MEGF9: variants seen among roughly 807,000 people sequenced by gnomAD.
MEGF9 encodes the protein multiple EGF like domains 9, also known as multiple epidermal growth factor-like domains protein 9.
Under a neutral mutation model 46.8 loss-of-function variants are expected in MEGF9, and 6 were observed. That is an observed-to-expected ratio of 0.13 (90% CI 0.07 to 0.25). The LOEUF is 0.25. MEGF9 is among the 10% of genes least tolerant of loss of function. The pLI is 1.00. For missense variants in MEGF9, 683 were observed against 792.4 expected (o/e 0.86, Z 1.66); for synonymous variants, 302 against 330.7 (o/e 0.91, Z 0.94).
intron 1 of MEGF9, among the ~76,000 whole-genome samples, chr9:120,705,099 T>C (rs889204243): frequency 3.9e-5 from 6 of 152,052 alleles, no homozygotes; most frequent in African/African-American, 1.4e-4. Context: ...AAGACCCCAG[T>C]GGAAAAAGAA....
At chr9:120,699,708 G>GT (rs373989358) in intron 1 of MEGF9, among the ~76,000 whole-genome samples, 37 of 142,448 alleles carry the variant, frequency 2.6e-4, no homozygotes, top group African/African-American at 8.8e-4. Context: ...GGGTGAAAGA[G>GT]TGAGACCGTG....
chr9:120,606,219 T>C (rs1365916510), intron 5 of MEGF9, among the ~76,000 whole-genome samples: 2 of 152,084 alleles, frequency 1.3e-5, no homozygotes, highest in Admixed American at 6.6e-5. Context: ...TGTTGGAGTT[T>C]TCCATTCTTA....
intron 1 of MEGF9, among the ~76,000 whole-genome samples, chr9:120,687,911 G>C (rs2132336511): frequency 6.6e-6 from 1 of 151,840 alleles, no homozygotes; most frequent in South Asian, 2.1e-4. Context: ...GGTATACAGG[G>C]GATGTTCACT....
intron 3 of MEGF9, among the ~76,000 whole-genome samples, chr9:120,621,918 CCTT>C (rs1383621337): frequency 1.4e-5 from 2 of 145,712 alleles, no homozygotes; most frequent in Non-Finnish European, 2.9e-5. Flanking sequence ...GCCTGTGTCT[CCTT>C]AGCCCTAAAA....
chr9:120,609,334 C>T (rs2043434284), intron 4 of MEGF9, among the ~76,000 whole-genome samples: 1 of 152,166 alleles, frequency 6.6e-6, no homozygotes, highest in African/African-American at 2.4e-5. Context: ...CAAATTCAAT[C>T]TGTAGGAATT....
At chr9:120,711,158 T>C (rs959740940) in intron 1 of MEGF9, among the ~76,000 whole-genome samples, 1 of 152,198 alleles carries the variant, frequency 6.6e-6, no homozygotes, top group Admixed American at 6.5e-5. Context: ...ATATAGTAAA[T>C]AGATGATGGA....
chr9:120,641,934 T>C lies in MEGF9; in HGVS notation c.803+17440A>G, dbSNP rs534953300. ...TGTCCTCAGTCCCCTATATTCCTAA[T>C]GATTAATTACAACTATTGTCCCTAG... On this transcript the variant is annotated intron_variant, in intron 2 of 5. Coordinates refer to ENST00000373930, the MANE Select transcript of MEGF9 (RefSeq NM_001080497.3). Among the ~76,000 whole-genome samples, 18 of 152,296 alleles carry C rather than the reference T, an allele frequency of 1.2e-4. No individual in the cohort carries two copies. In the East Asian group the frequency reaches 2.9e-3, roughly 24 times the overall value.
intron 1 of MEGF9, among the ~76,000 whole-genome samples, chr9:120,669,515 C>A: frequency 6.7e-6 from 1 of 148,418 alleles, no homozygotes; most frequent in South Asian, 2.1e-4. Context: ...AAATACTAGC[C>A]AAAAGAAAAC....
intron 1 of MEGF9, among the ~76,000 whole-genome samples, chr9:120,662,057 A>G (rs913386254): frequency 6.6e-6 from 1 of 152,210 alleles, no homozygotes; most frequent in Admixed American, 6.5e-5. Flanking sequence ...TTTCCTTACT[A>G]ATGTATTTCC....
At chr9:120,702,427 T>C (rs1204680210) in intron 1 of MEGF9, among the ~76,000 whole-genome samples, 1 of 152,196 alleles carries the variant, frequency 6.6e-6, no homozygotes, top group Non-Finnish European at 1.5e-5. Context: ...TTTAAGACTA[T>C]AAAATTAGAA....
intron 3 of MEGF9, among the ~76,000 whole-genome samples, chr9:120,620,673 G>C (rs1448995104): frequency 6.6e-6 from 1 of 152,084 alleles, no homozygotes; most frequent in Non-Finnish European, 1.5e-5. Context: ...GTCAAGGATG[G>C]AGGTAGAGGT....
chr9:120,712,969 T>C (rs904783393), intron 1 of MEGF9, among the ~76,000 whole-genome samples: 3 of 152,200 alleles, frequency 2.0e-5, no homozygotes, highest in Non-Finnish European at 4.4e-5. Context: ...GAAATTGGCA[T>C]ATATCAGCAT....
chr9:120,705,441 T>C (rs549428582), intron 1 of MEGF9, among the ~76,000 whole-genome samples: 1 of 150,284 alleles, frequency 6.7e-6, no homozygotes, highest in South Asian at 2.1e-4. Context: ...TTAAAGATCA[T>C]GGAAAGAATG....
intron 1 of MEGF9, 58 bp from the exon 2 acceptor site, chr9:120,659,633 A>T: frequency 7.7e-7 from 1 of 1,291,044 alleles, no homozygotes; most frequent in South Asian, 1.4e-5. Flanking sequence ...CCTCTTAATA[A>T]AATGAACTCT....
chr9:120,620,247 C>T (rs1025551633), intron 3 of MEGF9, among the ~76,000 whole-genome samples: 24 of 152,260 alleles, frequency 1.6e-4, no homozygotes, highest in Non-Finnish European at 2.5e-4. Context: ...GACTGCTTTT[C>T]GGTACTGTAA....
intron 1 of MEGF9, among the ~76,000 whole-genome samples, chr9:120,684,598 T>C (rs1039177113): frequency 6.6e-6 from 1 of 152,194 alleles, no homozygotes; most frequent in Non-Finnish European, 1.5e-5. Flanking sequence ...TGTGAAATTC[T>C]TTGCTTTATC....
At chr9:120,685,599 A>G (rs1182612877) in intron 1 of MEGF9, among the ~76,000 whole-genome samples, 2 of 152,178 alleles carry the variant, frequency 1.3e-5, no homozygotes, top group African/African-American at 4.8e-5. Flanking sequence ...TTTCTGTACC[A>G]TTAAAAGCTA....
intron 2 of MEGF9, among the ~76,000 whole-genome samples, chr9:120,624,408 T>G (rs2043514745): frequency 6.6e-6 from 1 of 152,164 alleles, no homozygotes; most frequent in African/African-American, 2.4e-5. Context: ...TTGTATTTTT[T>G]GTGGAGACAG....
rs117289248 is a variant in MEGF9, at chr9:120,676,251, C to T, written c.602-16676G>A. 3.7e-3 allele frequency among the ~76,000 whole-genome samples: 566 copies of T among 152,246 alleles called. 3 individuals are homozygous for T. The highest frequency in any genetic ancestry group is 6.2e-3 in the Non-Finnish European group (423 of 68,018). ...TTCAGCCTGGGCAACATGGCAAAAC[C>T]GGTTCCATCTCTACAAAAAAAACTT... is the stretch of plus-strand genomic sequence containing the variant. On this transcript the variant is annotated intron_variant, in intron 1 of 5. Transcript: ENST00000373930.
Sources: allele counts gnomAD v4.1 joint callset (sites outside exome capture counted in the v4.1 genomes callset), GRCh38; gene constraint gnomAD v4.1.1; transcripts MANE v1.5; gene names NCBI Gene and HGNC (gene_info 2026-07-23, HGNC 2026-07-21).